Variants in ZNF704 observed in about 807,000 individuals in gnomAD.
The protein encoded by ZNF704 is zinc finger protein 704, also known as glucocorticoid induced gene 1.
Under a neutral mutation model 44.7 loss-of-function variants are expected in ZNF704, and 10 were observed. The ratio of observed to expected loss-of-function variants is 0.22; its 90% CI spans 0.14 to 0.38. The LOEUF is 0.38. ZNF704 is among the 10% of genes least tolerant of loss of function. ZNF704 has a pLI of 1.00. For missense variants in ZNF704, 390 were observed against 545.5 expected (o/e 0.71, Z 2.84); for synonymous variants, 211 against 207.6 (o/e 1.02, Z -0.14).
intron 2 of ZNF704, among the ~76,000 whole-genome samples, chr8:80,790,924 G>A (rs1807695184): frequency 6.6e-6 from 1 of 152,142 alleles, no homozygotes. Context: ...GAAAACGGTG[G>A]AAGAAAATGC....
intron 2 of ZNF704, among the ~76,000 whole-genome samples, chr8:80,696,697 C>T (rs1323373746): frequency 3.3e-5 from 5 of 152,306 alleles, no homozygotes; most frequent in East Asian, 3.9e-4. Flanking sequence ...GGATTACAGG[C>T]GTGAGCCAAT....
intron 2 of ZNF704, among the ~76,000 whole-genome samples, chr8:80,778,574 C>T (rs1410752414): frequency 6.6e-6 from 1 of 152,090 alleles, no homozygotes; most frequent in African/African-American, 2.4e-5. Context: ...CATTACTATA[C>T]TACTCATAAC....
At chr8:80,749,782 T>C (rs960834888) in intron 2 of ZNF704, 1 of 152,214 alleles carries the variant, frequency 6.6e-6, no homozygotes, top group South Asian at 2.1e-4. Flanking sequence ...TAGCATTTGG[T>C]AAATCTCTTC....
intron 2 of ZNF704, among the ~76,000 whole-genome samples, chr8:80,754,928 G>A (rs1283745788): frequency 6.6e-6 from 1 of 152,142 alleles, no homozygotes; most frequent in Admixed American, 6.5e-5. Flanking sequence ...CTGAGATTTG[G>A]GGCTGCTTGT....
At position 80,631,601 on chromosome 8, in the gene ZNF704, T is replaced by A. The variant is rs1585907722; in HGVS notation, c.*9765A>T. 1 of 152,242 alleles carries A rather than the reference T, an allele frequency of 6.6e-6. No individual in the cohort carries two copies. The highest frequency in any genetic ancestry group is 1.5e-5 in the Non-Finnish European group (1 of 68,078). 9.4% of individuals were successfully genotyped at this position (152,242 alleles called of 1,614,324 possible). ...CACATTCCTGGTTCTGATCACTCTA[T>A]TAGCCTCGCACGTGGAGAGGACCGG... On this transcript the variant is annotated 3_prime_UTR_variant, in exon 9 of 9. Coordinates refer to ENST00000327835, the MANE Select transcript of ZNF704 (RefSeq NM_001033723.3).
At chr8:80,759,838 C>T (rs539277707) in intron 2 of ZNF704, among the ~76,000 whole-genome samples, 49 of 152,092 alleles carry the variant, frequency 3.2e-4, no homozygotes, top group African/African-American at 1.1e-3. Flanking sequence ...TTACTGCAGC[C>T]TCAACCTCCT....
chr8:80,871,627 T>C (rs926676123), intron 1 of ZNF704, among the ~76,000 whole-genome samples: 2 of 152,236 alleles, frequency 1.3e-5, no homozygotes, highest in Non-Finnish European at 2.9e-5. Flanking sequence ...ATCAGGAAGG[T>C]GTCCACTGCT....
chr8:80,791,250 G>A (rs1807703441), intron 2 of ZNF704, among the ~76,000 whole-genome samples: 1 of 152,180 alleles, frequency 6.6e-6, no homozygotes, highest in South Asian at 2.1e-4. Flanking sequence ...TAATCAACAA[G>A]AACCTCCTGC....
At chr8:80,769,563 T>G (rs957839530) in intron 2 of ZNF704, among the ~76,000 whole-genome samples, 1 of 152,212 alleles carries the variant, frequency 6.6e-6, no homozygotes, top group Non-Finnish European at 1.5e-5. Flanking sequence ...AGGGGCAAAA[T>G]GCCACCAGTC....
chr8:80,729,181 A>G (rs1165599811), intron 2 of ZNF704, among the ~76,000 whole-genome samples: 1 of 152,186 alleles, frequency 6.6e-6, no homozygotes, highest in African/African-American at 2.4e-5. Flanking sequence ...GATGAAAGAC[A>G]GGTAGATAAG....
intron 2 of ZNF704, among the ~76,000 whole-genome samples, chr8:80,773,098 T>C (rs1807351940): frequency 6.6e-6 from 1 of 152,200 alleles, no homozygotes; most frequent in Non-Finnish European, 1.5e-5. Context: ...ACATTTATAG[T>C]GGTCAAAAAA....
At chr8:80,728,006 T>C (rs1032681995) in intron 2 of ZNF704, among the ~76,000 whole-genome samples, 1 of 152,170 alleles carries the variant, frequency 6.6e-6, no homozygotes, top group Non-Finnish European at 1.5e-5. Context: ...TACAAGGGCA[T>C]GAGTTACAGT....
At chr8:80,672,061 G>A (rs1434443262) in intron 4 of ZNF704, among the ~76,000 whole-genome samples, 1 of 151,940 alleles carries the variant, frequency 6.6e-6, no homozygotes, top group Non-Finnish European at 1.5e-5. Flanking sequence ...AATACAGCTA[G>A]AAAAAAACAT....
At chr8:80,681,932 T>A (rs1818459494) in intron 4 of ZNF704, among the ~76,000 whole-genome samples, 1 of 152,216 alleles carries the variant, frequency 6.6e-6, no homozygotes. Context: ...CTCCTCTTTA[T>A]CCTGAATTTT....
intron 4 of ZNF704, among the ~76,000 whole-genome samples, chr8:80,675,275 C>T (rs1004378118): frequency 8.5e-5 from 13 of 152,284 alleles, no homozygotes; most frequent in Middle Eastern, 3.4e-3. Context: ...AAGACCTTGC[C>T]TCTTGGAGGC....
At chr8:80,870,910 G>GA (rs775399358) in intron 1 of ZNF704, among the ~76,000 whole-genome samples, 12 of 152,128 alleles carry the variant, frequency 7.9e-5, no homozygotes, top group Non-Finnish European at 1.5e-4. Flanking sequence ...GCACAAAACA[G>GA]AAAACCTGAT....
At chr8:80,816,200 C>T (rs1808174722) in intron 2 of ZNF704, among the ~76,000 whole-genome samples, 1 of 152,140 alleles carries the variant, frequency 6.6e-6, no homozygotes, top group Non-Finnish European at 1.5e-5. Flanking sequence ...TTTGTCGATT[C>T]TTGTCCTCCT....
intron 2 of ZNF704, among the ~76,000 whole-genome samples, chr8:80,718,685 T>C (rs1819113621): frequency 6.6e-6 from 1 of 152,146 alleles, no homozygotes; most frequent in African/African-American, 2.4e-5. Context: ...ACCTGCCAAG[T>C]CCAGTCTAGA....
rs534151823 is a variant in ZNF704 at position 80,873,378 on chromosome 8, C to A, written c.-22+1193G>T. The stretch of plus-strand genomic sequence containing the variant: ...AGGCGCAGGCAAATCAACAGTTCCT[C>A]GCGCTGCCCCGCGCGGCCGCCCGCG... On this transcript the variant is annotated intron_variant, in intron 1 of 8. Coordinates refer to ENST00000327835, the MANE Select transcript of ZNF704 (RefSeq NM_001033723.3). Among the ~76,000 whole-genome samples the A allele has an allele frequency of 4.9e-4, 74 of 152,154 alleles. No individual in the cohort carries two copies. The South Asian group carries it at 0.015, about 31-fold the overall frequency.
Sources: gnomAD v4.1 joint callset for allele counts (sites outside exome capture counted in the v4.1 genomes callset) on GRCh38, gnomAD v4.1.1 for gene constraint, MANE v1.5 for transcripts, NCBI Gene and HGNC (gene_info 2026-07-23, HGNC 2026-07-21) for gene names.